GDPD3: variants seen among roughly 807,000 people sequenced by gnomAD.
The protein encoded by GDPD3 is glycerophosphodiester phosphodiesterase domain containing 3.
In GDPD3, 40 loss-of-function variants were observed where a neutral mutation model predicts 43.7. The observed-to-expected ratio is 0.91, with a 90% confidence interval of 0.71 to 1.19. The LOEUF (loss-of-function observed/expected upper bound fraction) is 1.19. Ranked by LOEUF, GDPD3 falls within the 50% of genes most tolerant of loss-of-function variation. The probability of loss-of-function intolerance (pLI) is 0.00; values close to 1 mark genes in which losing one functional copy is unlikely to be tolerated. For missense variants in GDPD3, 363 were observed against 415.8 expected (o/e 0.87, Z 1.11); for synonymous variants, 145 against 162.9 (o/e 0.89, Z 0.84).
chr16:30,111,692 G>C (rs1000737377), intron 6 of GDPD3, 171 bp from the exon 7 acceptor site: 4 of 660,122 alleles, frequency 6.1e-6, no homozygotes, highest in Non-Finnish European at 1.0e-5. Context: ...CAGCAGTTTG[G>C]GAGGCTGAGG....
Position 30,108,269 on chromosome 16 carries a change from G to A in GDPD3, c.768-5C>T, listed in dbSNP as rs775295434. On this transcript the variant is annotated splice_polypyrimidine_tract_variant and splice_region_variant and intron_variant, in intron 8 of 9. Coordinates refer to ENST00000406256, the MANE Select transcript of GDPD3 (RefSeq NM_024307.3). ...AGACTCTTCCTCATGATCAGCCTGG[G>A]GGTGGGGTGGGGACGTGGGAGGTGA... 1 of 1,612,662 alleles carries A rather than the reference G, an allele frequency of 6.2e-7. No individual in the cohort carries two copies. The highest frequency in any genetic ancestry group is 8.5e-7 in the Non-Finnish European group (1 of 1,179,244).
At position 30,113,239 on chromosome 16, in the gene GDPD3, T is replaced by C; in HGVS notation, c.139+101A>G. On this transcript the variant is annotated intron_variant, in intron 1 of 9. Coordinates refer to ENST00000406256, the MANE Select transcript of GDPD3 (RefSeq NM_024307.3). The surrounding 1 kb of genome is among the most constrained non-coding windows in gnomAD (Gnocchi z 5.9). ...CACACCCTGCCCTGCCACTTCGCTC[T>C]CCTTCTCTCTTGGTCCCTGCCCCGT... The C allele has an allele frequency of 6.8e-7, 1 of 1,470,054 alleles. No homozygotes were observed. Among genetic ancestry groups the C allele is most frequent in the South Asian group, 1.3e-5 (1 of 76,100 alleles). The allele number at this position is 1,470,054 out of a possible 1,614,324, so 91.1% of individuals were successfully genotyped here.
At position 30,113,042 on chromosome 16, in the gene GDPD3, G is replaced by C. The variant is rs187844693; in HGVS notation, c.162C>G (p.Asn54Lys). The C allele has an allele frequency of 1.9e-6, 3 of 1,613,406 alleles. No individual in the cohort carries two copies. Among genetic ancestry groups the C allele is most frequent in the Non-Finnish European group, 2.5e-6 (3 of 1,179,800 alleles). The change falls in exon 2 of 10, where the codon AAC becomes AAG. Residue 54 changes from asparagine (N) to lysine (K), a missense_variant. By Grantham distance (94) the Asn-to-Lys change is moderately conservative (BLOSUM62 0). Coordinates refer to ENST00000406256, the MANE Select transcript of GDPD3 (RefSeq NM_024307.3). The surrounding 1 kb of genome is among the most constrained non-coding windows in gnomAD (Gnocchi z 5.9). Reference protein sequence around the residue: ...HRGGSGELLENTMEAMENSMA... With the variant: ...HRGGSGELLEKTMEAMENSMA... ...CTCACTTCTCCATGGCCTCCATGGT[G>C]TTCTCCAGCAGCTCTCCAGATCCTG...
chr16:30,108,129 G>C lies in GDPD3; in HGVS notation c.819+84C>G, dbSNP rs1596869793. The C allele has an allele frequency of 2.4e-6, 3 of 1,245,704 alleles. No individual in the cohort carries two copies. The East Asian group carries it at 7.2e-5, about 30-fold the overall frequency. The allele number at this position is 1,245,704 out of a possible 1,614,324, so 77.2% of individuals were successfully genotyped here. Reference sequence around the variant, plus strand: ...AACTGAGGTGAGGTCACCTGCCCGAGTGATGCAGCTAGTTGGCAGCAGAGT... The same window carrying C: ...AACTGAGGTGAGGTCACCTGCCCGACTGATGCAGCTAGTTGGCAGCAGAGT... On this transcript the variant is annotated intron_variant, in intron 9 of 9. Transcript: ENST00000406256.
intron 9 of GDPD3, among the ~76,000 whole-genome samples, chr16:30,105,814 A>G (rs923311681): frequency 5.4e-5 from 8 of 149,358 alleles, no homozygotes; most frequent in Admixed American, 4.6e-4. Flanking sequence ...TAAATAAATT[A>G]TTAAAACAAC....
chr16:30,105,133 A>T, intron 9 of GDPD3, 124 bp from the exon 10 acceptor site: 1 of 819,812 alleles, frequency 1.2e-6, no homozygotes, highest in Non-Finnish European at 1.9e-6. Flanking sequence ...TTAAATTCTC[A>T]GGAATTTTGC....
At position 30,113,433 on chromosome 16, in the gene GDPD3, C is replaced by T. The variant is rs2072921045; in HGVS notation, c.46G>A (p.Ala16Thr). Residue 16 changes from alanine to threonine, a missense_variant, in exon 1 of 10, where the codon GCC becomes ACC. Physicochemically the swap from Ala to Thr is moderately conservative, Grantham distance 58 (BLOSUM62 0). Coordinates refer to ENST00000406256, the MANE Select transcript of GDPD3 (RefSeq NM_024307.3). The surrounding 1 kb of genome is among the most constrained non-coding windows in gnomAD (Gnocchi z 5.9). Reference protein sequence around the residue: ...YYALPALGSYAMLSIFFLRRP... With the variant: ...YYALPALGSYTMLSIFFLRRP... Reference sequence around the variant, plus strand: ...CGCAGGAAGAAGATGGAGAGCATGGCATAGCTGCCCAGGGCAGGGAGGGCA... The same window carrying T: ...CGCAGGAAGAAGATGGAGAGCATGGTATAGCTGCCCAGGGCAGGGAGGGCA... The T allele has an allele frequency of 6.2e-7, 1 of 1,610,248 alleles. No homozygotes were observed. The highest frequency in any genetic ancestry group is 8.5e-7 in the Non-Finnish European group (1 of 1,177,730).
At chr16:30,108,475 CT>C (rs1197958184) in intron 7 of GDPD3, 43 bp from the exon 8 acceptor site, 6 of 1,597,720 alleles carry the variant, frequency 3.8e-6, no homozygotes, top group South Asian at 3.3e-5. Flanking sequence ...AGGGTCTCCC[CT>C]GTCCCAGAGG....
In GDPD3 at chr16:30,112,346, C is replaced by T; in HGVS notation, c.443G>A (p.Ser148Asn). 6.2e-7 allele frequency: 1 copy of T among 1,614,210 alleles called. No individual in the cohort carries two copies. The highest frequency in any genetic ancestry group is 8.5e-7 in the Non-Finnish European group (1 of 1,180,034). Residue 148 changes from serine (S) to asparagine (N), a missense_variant, in exon 5 of 10, where the codon AGC becomes AAC. By Grantham distance (46) the Ser-to-Asn change is conservative. Transcript: ENST00000406256. This position sits in a 1 kb window ranked among gnomAD's most constrained non-coding sequence, Gnocchi z 5.4. ...TTCGTTCTTCCCTTTGATCTCTACG[C>T]TCATGGGTGTCCTTGGAAACCTCTG... ...LFQRFPRTPMSVEIKGKNEEL... is the reference protein window; with the variant it reads ...LFQRFPRTPMNVEIKGKNEEL...
At chr16:30,109,331 G>A (rs539643661) in intron 7 of GDPD3, among the ~76,000 whole-genome samples, 4 of 152,178 alleles carry the variant, frequency 2.6e-5, no homozygotes, top group Non-Finnish European at 5.9e-5. Flanking sequence ...CCAACATGGC[G>A]AAACGCCGTC....
chr16:30,112,137 C>A lies in GDPD3; in HGVS notation c.568G>T (p.Ala190Ser). The part of the protein sequence containing the change: ...EKSSVMKKCK[A>S]ANPEMPLSFT... The stretch of plus-strand genomic sequence containing the variant: ...GGAGGGGTGGGGGGACTCACGGCAG[C>A]CTTGCATTTCTTCATGACCGAGCTC... Residue 190 changes from alanine to serine, a missense_variant, in exon 6 of 10, where the codon GCT (alanine) becomes TCT (serine). Coordinates refer to ENST00000406256, the MANE Select transcript of GDPD3 (RefSeq NM_024307.3). This position sits in a 1 kb window ranked among gnomAD's most constrained non-coding sequence, Gnocchi z 5.4. The A allele has an allele frequency of 6.2e-7, 1 of 1,613,304 alleles. No homozygotes were observed.
At chr16:30,110,304 G>A (rs1038556752) in intron 7 of GDPD3, among the ~76,000 whole-genome samples, 8 of 151,820 alleles carry the variant, frequency 5.3e-5, no homozygotes, top group Admixed American at 1.3e-4. Flanking sequence ...GGTGGCGGGC[G>A]CCTGTAGTCC....
chr16:30,113,197 G>C lies in GDPD3; in HGVS notation c.140-133C>G, dbSNP rs540997706. ...TCCCCAGCCAGCCCAGGCTGCGCCA[G>C]CATCTTCTTCCTCGTCCACACCCTG... is the stretch of plus-strand genomic sequence containing the variant. On this transcript the variant is annotated intron_variant, in intron 1 of 9. Transcript: ENST00000406256. This position sits in a 1 kb window ranked among gnomAD's most constrained non-coding sequence, Gnocchi z 5.9. 5.1e-6 allele frequency: 7 copies of C among 1,360,368 alleles called. No homozygotes were observed. The Admixed American group carries it at 1.5e-4, about 29-fold the overall frequency. The allele number at this position is 1,360,368 out of a possible 1,614,324, so 84.3% of individuals were successfully genotyped here.
chr16:30,110,559 A>AC (rs1289227196), intron 7 of GDPD3: 1 of 151,742 alleles, frequency 6.6e-6, no homozygotes, highest in Non-Finnish European at 1.5e-5. Context: ...CTCTGGGACT[A>AC]CCACAGAGAA....
Position 30,112,763 on chromosome 16 carries a change from C to T in GDPD3, c.213G>A (p.Glu71=). The T allele has an allele frequency of 1.9e-6, 3 of 1,611,624 alleles. No homozygotes were observed. Among genetic ancestry groups the T allele is most frequent in the Non-Finnish European group, 1.7e-6 (2 of 1,179,944 alleles). Residue 71 remains glutamate, a synonymous_variant, in exon 3 of 10, where the codon GAG becomes GAA. Transcript: ENST00000406256. The surrounding 1 kb of genome is among the most constrained non-coding windows in gnomAD (Gnocchi z 5.4). The stretch of plus-strand genomic sequence containing the variant: ...TGTCCCGTGTCAGCTGACAGTCGAG[C>T]TCCAGGAGGTCCGAGCGCTGGGCCA... ...NSMAQRSDLL[E]LDCQLTRDRV... is the part of the protein sequence containing the mutation.
At chr16:30,106,549 T>C (rs1017703471) in intron 9 of GDPD3, among the ~76,000 whole-genome samples, 1 of 152,212 alleles carries the variant, frequency 6.6e-6, no homozygotes, top group South Asian at 2.1e-4. Flanking sequence ...AAAATACAGA[T>C]GAGACGAGGT....
rs937843028 is a variant in GDPD3 at position 30,112,987 on chromosome 16, C to T, written c.182+35G>A. On this transcript the variant is annotated intron_variant, in intron 2 of 9. Coordinates refer to ENST00000406256, the MANE Select transcript of GDPD3 (RefSeq NM_024307.3). The surrounding 1 kb of genome is among the most constrained non-coding windows in gnomAD (Gnocchi z 5.4). ...ATGCAGTCCACGACCTGCACACCCT[C>T]ACATGGCAGCCTGGGCAGGGGCAGA... 3 of 1,603,720 alleles carry T rather than the reference C, an allele frequency of 1.9e-6. No homozygotes were observed. The highest frequency in any genetic ancestry group is 2.6e-6 in the Non-Finnish European group (3 of 1,171,406).
rs2072908210 is a variant in GDPD3, at chr16:30,112,425, C to T, written c.365-1G>A. 2 of 1,614,182 alleles carry T rather than the reference C, an allele frequency of 1.2e-6. No homozygotes were observed. Among genetic ancestry groups the T allele is most frequent in the Non-Finnish European group, 1.7e-6 (2 of 1,180,024 alleles). On this transcript the variant is annotated splice_acceptor_variant, in intron 4 of 9. Transcript: ENST00000406256. LOFTEE classifies it high-confidence loss of function. This position sits in a 1 kb window ranked among gnomAD's most constrained non-coding sequence, Gnocchi z 5.4. ...CGGTCTGACCCGTGAGCAAAGTGGC[C>T]TGGGGGTGGTGTGGGAAAAGGGGTC...
At position 30,113,372 on chromosome 16, in the gene GDPD3, G is replaced by T; in HGVS notation, c.107C>A (p.Thr36Asn). ...PHLLHTPRAP[T>N]FRIRLGAHRG... ...GTGGGCCCCCAGGCGGATGCGGAAG[G>T]TGGGAGCCCTGGGCGTGTGCAGCAG... The change falls in exon 1 of 10, where the codon ACC becomes AAC. Residue 36 changes from threonine (T) to asparagine (N), a missense_variant. Coordinates refer to ENST00000406256, the MANE Select transcript of GDPD3 (RefSeq NM_024307.3). This position sits in a 1 kb window ranked among gnomAD's most constrained non-coding sequence, Gnocchi z 5.9. 1 of 1,610,192 alleles carries T rather than the reference G, an allele frequency of 6.2e-7. No individual in the cohort carries two copies. Among genetic ancestry groups the T allele is most frequent in the Non-Finnish European group, 8.5e-7 (1 of 1,177,822 alleles).
Sources: allele counts gnomAD v4.1 joint callset (sites outside exome capture counted in the v4.1 genomes callset), GRCh38; gene constraint gnomAD v4.1.1; non-coding constraint Gnocchi (gnomAD v3.1); transcripts MANE v1.5; gene names NCBI Gene and HGNC (gene_info 2026-07-23, HGNC 2026-07-21).